The following BICD2 variants were observed in gnomAD, a reference collection of about 807,000 sequenced individuals.
The protein encoded by BICD2 is BICD cargo adaptor 2, also known as protein bicaudal D homolog 2.
BICD2 carries 25 observed loss-of-function variants against 72.9 expected under a neutral mutation model. That is an observed-to-expected ratio of 0.34 (90% CI 0.25 to 0.48). The LOEUF (loss-of-function observed/expected upper bound fraction) is 0.48, where lower values mean the gene tolerates loss of function less well. Ranked by LOEUF, BICD2 falls within the 20% of genes least tolerant of loss-of-function variation. BICD2 has a pLI of 0.99. For synonymous variants in BICD2, 501 were observed against 516.1 expected, an observed-to-expected ratio of 0.97 and a Z score of 0.40; for missense variants, 894 against 1,175.2, an observed-to-expected ratio of 0.76 and a Z score of 3.50.
Position 92,720,896 on chromosome 9 carries a change from G to C in BICD2, c.607-141C>G. 1 of 887,658 alleles carries C rather than the reference G, an allele frequency of 1.1e-6. No individual in the cohort carries two copies. Among genetic ancestry groups the C allele is most frequent in the Non-Finnish European group, 1.7e-6 (1 of 596,090 alleles). 55.0% of individuals were successfully genotyped at this position (887,658 alleles called of 1,614,324 possible). On this transcript the variant is annotated intron_variant, in intron 3 of 6. Coordinates refer to ENST00000356884, the MANE Select transcript of BICD2 (RefSeq NM_001003800.2). This position sits in a 1 kb window ranked among gnomAD's most constrained non-coding sequence, Gnocchi z 5.4. ...AAGCGCCAGGTGAGGTGCCATCCTG[G>C]GAAGGGTGGCAGCCCGTCCAGGCCA...
chr9:92,720,153 T>G lies in BICD2; in HGVS notation c.1062+147A>C. 1.2e-6 allele frequency: 1 copy of G among 865,058 alleles called. No individual in the cohort carries two copies. The highest frequency in any genetic ancestry group is 1.7e-6 in the Non-Finnish European group (1 of 580,544). The allele number at this position is 865,058 out of a possible 1,614,324, so 53.6% of individuals were successfully genotyped here. The stretch of plus-strand genomic sequence containing the variant: ...GACTCCTCTATGTGTGCTCCTGGAG[T>G]TCCATTTACCGTAATGATGCAGGAG... On this transcript the variant is annotated intron_variant, in intron 4 of 6. Transcript: ENST00000356884. This position sits in a 1 kb window ranked among gnomAD's most constrained non-coding sequence, Gnocchi z 5.4.
At chr9:92,728,787 T>C (rs1853619587) in intron 2 of BICD2, among the ~76,000 whole-genome samples, 1 of 152,170 alleles carries the variant, frequency 6.6e-6, no homozygotes, top group African/African-American at 2.4e-5. Context: ...GCTTCATGAG[T>C]GAGACAGAAG....
chr9:92,714,249 C>G lies in BICD2; in HGVS notation c.*905G>C, dbSNP rs909951563. Reference sequence around the variant, plus strand: ...AGCCCTTGGTGGCTCAGACTTCAGGCTAGGGTTTTCAAAGCCCCATGTCTT... The same window carrying G: ...AGCCCTTGGTGGCTCAGACTTCAGGGTAGGGTTTTCAAAGCCCCATGTCTT... On this transcript the variant is annotated 3_prime_UTR_variant, in exon 7 of 7. Transcript: ENST00000356884. The G allele has an allele frequency of 1.0e-6, 1 of 985,410 alleles. No homozygotes were observed. Among genetic ancestry groups the G allele is most frequent in the African/African-American group, 1.7e-5 (1 of 57,246 alleles). The allele number at this position is 985,410 out of a possible 1,614,324, so 61.0% of individuals were successfully genotyped here.
rs192090274 is a variant in BICD2 at position 92,758,368 on chromosome 9, A to G, written c.240+6137T>C. ...GGAGTTCGAGACCAGCCTGGCTAACATGGAGAAACCTCGTCTCTACTAAAA... is the reference window on the plus strand; with the variant it reads ...GGAGTTCGAGACCAGCCTGGCTAACGTGGAGAAACCTCGTCTCTACTAAAA... On this transcript the variant is annotated intron_variant, in intron 1 of 6. Transcript: ENST00000356884. Among the ~76,000 whole-genome samples the G allele has an allele frequency of 1.8e-4, 27 of 150,948 alleles. No individual in the cohort carries two copies. The East Asian group carries it at 5.1e-3, about 28-fold the overall frequency.
chr9:92,736,189 C>CT (rs1853784175), intron 1 of BICD2, among the ~76,000 whole-genome samples: 1 of 152,202 alleles, frequency 6.6e-6, no homozygotes, highest in African/African-American at 2.4e-5. Flanking sequence ...TGATAAAACA[C>CT]TAACTGCTGA....
chr9:92,723,236 C>T (rs1197243950), intron 2 of BICD2, among the ~76,000 whole-genome samples: 3 of 152,224 alleles, frequency 2.0e-5, no homozygotes, highest in Admixed American at 2.0e-4. Context: ...GAAATGTACA[C>T]ATGCCCACAC....
Position 92,739,061 on chromosome 9 carries a change from G to A in BICD2, c.241-9825C>T, listed in dbSNP as rs117856757. Among the ~76,000 whole-genome samples, 379 of 152,276 alleles carry A rather than the reference G, an allele frequency of 2.5e-3. 16 individuals carry two copies. The East Asian group carries it at 0.052, about 21-fold the overall frequency. On this transcript the variant is annotated intron_variant, in intron 1 of 6. Transcript: ENST00000356884. Reference sequence around the variant, plus strand: ...CCACTAGTCCTAGCCTGGCTGCCTCGGTTGGGCCCTCCCACCACCTGCTAA... The same window carrying A: ...CCACTAGTCCTAGCCTGGCTGCCTCAGTTGGGCCCTCCCACCACCTGCTAA...
chr9:92,756,012 CT>C, intron 1 of BICD2, among the ~76,000 whole-genome samples: 1 of 152,200 alleles, frequency 6.6e-6, no homozygotes, highest in South Asian at 2.1e-4. Context: ...CACTGCCATG[CT>C]AGTAAGAGTA....
At chr9:92,757,872 G>GATT (rs1854293235) in intron 1 of BICD2, among the ~76,000 whole-genome samples, 1 of 152,202 alleles carries the variant, frequency 6.6e-6, no homozygotes, top group East Asian at 1.9e-4. Flanking sequence ...CTCCACCTTT[G>GATT]ATTATGTGGA....
At position 92,764,367 on chromosome 9, in the gene BICD2, C is replaced by G; in HGVS notation, c.240+138G>C. ...GGCCGGGCCCACTCCCACATACTGC[C>G]CGTGCCCCCTCCGCCCCGGCGGCCC... On this transcript the variant is annotated intron_variant, in intron 1 of 6. Transcript: ENST00000356884. The surrounding 1 kb of genome is among the most constrained non-coding windows in gnomAD (Gnocchi z 5.5). 1 of 1,230,834 alleles carries G rather than the reference C, an allele frequency of 8.1e-7. No homozygotes were observed. Among genetic ancestry groups the G allele is most frequent in the Non-Finnish European group, 1.1e-6 (1 of 949,676 alleles). 76.2% of individuals were successfully genotyped at this position (1,230,834 alleles called of 1,614,324 possible).
chr9:92,713,692 G>A lies in BICD2; in HGVS notation c.*1462C>T, dbSNP rs958326319. On this transcript the variant is annotated 3_prime_UTR_variant, in exon 7 of 7. Transcript: ENST00000356884. ...CAAGGAGAGGGCAAAGCGCATGCAG[G>A]GTGGGCATGCCAGCAGCCATCCCAC... The A allele has an allele frequency of 5.0e-6, 7 of 1,402,066 alleles. No individual in the cohort carries two copies. Among genetic ancestry groups the A allele is most frequent in the Non-Finnish European group, 4.7e-6 (5 of 1,075,226 alleles). 86.9% of individuals were successfully genotyped at this position (1,402,066 alleles called of 1,614,324 possible). A position where few individuals can be genotyped will look rare whatever the true frequency, so the allele number is the denominator to read the frequency against.
chr9:92,723,134 A>G (rs1853498399), intron 2 of BICD2, among the ~76,000 whole-genome samples: 1 of 152,202 alleles, frequency 6.6e-6, no homozygotes, highest in Non-Finnish European at 1.5e-5. Flanking sequence ...GCATGTACAC[A>G]GTAGTGCGCA....
intron 1 of BICD2, among the ~76,000 whole-genome samples, chr9:92,750,371 T>G (rs1248447094): frequency 2.0e-5 from 3 of 152,174 alleles, no homozygotes; most frequent in African/African-American, 7.2e-5. Context: ...TTATTCATAT[T>G]TGCCAAAAAG....
intron 1 of BICD2, among the ~76,000 whole-genome samples, chr9:92,763,957 C>T (rs1455679534): frequency 6.6e-6 from 1 of 152,240 alleles, no homozygotes; most frequent in Non-Finnish European, 1.5e-5. Flanking sequence ...GGCCGCTGTC[C>T]ACGACCTTTC....
chr9:92,719,283 C>T lies in BICD2; in HGVS notation c.1362G>A (p.Lys454=). 1 of 1,613,930 alleles carries T rather than the reference C, an allele frequency of 6.2e-7. No individual in the cohort carries two copies. The highest frequency in any genetic ancestry group is 2.2e-5 in the East Asian group (1 of 44,882). ...GAGCCTCGTGCGTGCTGCGCAGTGCCTTGAGCTGCTCGCGGAGCTCGCCAG... is the reference window on the plus strand; with the variant it reads ...GAGCCTCGTGCGTGCTGCGCAGTGCTTTGAGCTGCTCGCGGAGCTCGCCAG... ...AEAGELREQL[K]ALRSTHEARE... The change falls in exon 5 of 7, where the codon AAG becomes AAA. Residue 454 remains lysine, a synonymous_variant. Transcript: ENST00000356884.
intron 1 of BICD2, among the ~76,000 whole-genome samples, chr9:92,741,566 T>C (rs1279027653): frequency 1.3e-5 from 2 of 152,184 alleles, no homozygotes; most frequent in South Asian, 2.1e-4. Flanking sequence ...ACTTGAAAAG[T>C]GGATGTGGTA....
At chr9:92,753,227 C>T (rs1043016427) in intron 1 of BICD2, among the ~76,000 whole-genome samples, 3 of 152,242 alleles carry the variant, frequency 2.0e-5, no homozygotes, top group Non-Finnish European at 4.4e-5. Context: ...GAAACTGTCA[C>T]AGTCAACTGG....
intron 4 of BICD2, among the ~76,000 whole-genome samples, chr9:92,719,925 C>T (rs899883121): frequency 6.6e-6 from 1 of 152,220 alleles, no homozygotes; most frequent in African/African-American, 2.4e-5. Flanking sequence ...CCCTCTGCTT[C>T]GGAGGACAGG....
chr9:92,730,137 T>C (rs1482808882), intron 1 of BICD2, among the ~76,000 whole-genome samples: 1 of 152,158 alleles, frequency 6.6e-6, no homozygotes, highest in Non-Finnish European at 1.5e-5. Flanking sequence ...GGACAGGGCT[T>C]CCATGGGTAG....
Sources: allele counts gnomAD v4.1 joint callset (sites outside exome capture counted in the v4.1 genomes callset), GRCh38; gene constraint gnomAD v4.1.1; non-coding constraint Gnocchi (gnomAD v3.1); transcripts MANE v1.5; gene names NCBI Gene and HGNC (gene_info 2026-07-23, HGNC 2026-07-21).